The following DOCK10 variants were observed in gnomAD, a reference collection of about 807,000 sequenced individuals.
DOCK10 encodes dedicator of cytokinesis 10.
In DOCK10, 145 loss-of-function variants were observed where a neutral mutation model predicts 280.1. That is an observed-to-expected ratio of 0.52 (90% CI 0.45 to 0.59). The LOEUF is 0.59. Among genes scored for constraint, DOCK10 ranks in the 20% least tolerant of loss-of-function variants. The pLI, the probability that DOCK10 is intolerant of heterozygous loss-of-function variation, is 0.00. For synonymous variants in DOCK10, 915 were observed against 942.2 expected (o/e 0.97, Z 0.53); for missense variants, 2,368 against 2,651.7 (o/e 0.89, Z 2.35).
At chr2:224,914,225 C>T (rs1232832937) in intron 3 of DOCK10, among the ~76,000 whole-genome samples, 1 of 152,152 alleles carries the variant, frequency 6.6e-6, no homozygotes, top group African/African-American at 2.4e-5. Context: ...ATACTATGCA[C>T]TTAAATTTGT....
chr2:224,918,039 T>G (rs915497472), intron 2 of DOCK10, among the ~76,000 whole-genome samples: 39 of 152,088 alleles, frequency 2.6e-4, no homozygotes, highest in African/African-American at 8.9e-4. Context: ...AGAAGATGGG[T>G]AGGGAGGGGT....
At chr2:225,002,815 G>A (rs556725893) in intron 1 of DOCK10, among the ~76,000 whole-genome samples, 5 of 148,600 alleles carry the variant, frequency 3.4e-5, no homozygotes, top group South Asian at 2.2e-4. Context: ...TTGCATGATC[G>A]GGCAGGTGTA....
At chr2:225,017,559 C>T (rs1689646693) in intron 1 of DOCK10, among the ~76,000 whole-genome samples, 1 of 151,914 alleles carries the variant, frequency 6.6e-6, no homozygotes, top group Non-Finnish European at 1.5e-5. Context: ...GATAATTTTT[C>T]AACATACATC....
At chr2:224,923,839 C>A (rs1039492218) in intron 2 of DOCK10, among the ~76,000 whole-genome samples, 2 of 152,228 alleles carry the variant, frequency 1.3e-5, no homozygotes, top group African/African-American at 4.8e-5. Flanking sequence ...ACACATTTTT[C>A]TTCCCTGAAT....
intron 1 of DOCK10, among the ~76,000 whole-genome samples, chr2:224,994,631 A>C (rs1026609006): frequency 6.6e-6 from 1 of 152,186 alleles, no homozygotes; most frequent in African/African-American, 2.4e-5. Context: ...ATATGTTGGG[A>C]GCTCCTTGGA....
intron 2 of DOCK10, among the ~76,000 whole-genome samples, chr2:224,927,341 G>T (rs2126002775): frequency 6.6e-6 from 1 of 152,336 alleles, no homozygotes; most frequent in South Asian, 2.1e-4. Context: ...GGAAGCCACT[G>T]AGAAGTTTTA....
intron 3 of DOCK10, among the ~76,000 whole-genome samples, chr2:224,902,937 C>CA (rs903859483): frequency 0.017 from 2,490 of 144,866 alleles, 53 homozygotes; most frequent in African/African-American, 0.052. Flanking sequence ...ACTAAAAATA[C>CA]AAAAAAAAAA....
chr2:224,917,089 T>G (rs890420919), intron 2 of DOCK10, among the ~76,000 whole-genome samples: 2 of 141,120 alleles, frequency 1.4e-5, no homozygotes, highest in African/African-American at 5.1e-5. Context: ...TTTAGCTGAT[T>G]TCTATTGGAA....
At chr2:225,024,758 G>T (rs1224251301) in intron 1 of DOCK10, among the ~76,000 whole-genome samples, 1 of 151,970 alleles carries the variant, frequency 6.6e-6, no homozygotes, top group South Asian at 2.1e-4. Flanking sequence ...GGGCATAGTG[G>T]CACATGCCTG....
intron 1 of DOCK10, among the ~76,000 whole-genome samples, chr2:225,015,029 G>A (rs1689552651): frequency 6.6e-6 from 1 of 152,148 alleles, no homozygotes; most frequent in South Asian, 2.1e-4. Flanking sequence ...TCATCTGCCT[G>A]TTCTCATCTG....
Position 224,837,840 on chromosome 2 carries a change from G to C in DOCK10, c.2781-9C>G, listed in dbSNP as rs765556312. ...CAATGTCGGTCAGAACCCTGCAAAA[G>C]CAAAGCTGTTCAGTGGCCTTTCTGG... On this transcript the variant is annotated splice_polypyrimidine_tract_variant and intron_variant, in intron 24 of 55. Transcript: ENST00000258390. 1.2e-6 allele frequency: 2 copies of C among 1,613,292 alleles called. No homozygotes were observed. The highest frequency in any genetic ancestry group is 1.3e-5 in the African/African-American group (1 of 75,036).
intron 3 of DOCK10, among the ~76,000 whole-genome samples, chr2:224,898,424 G>GAC (rs1700105688): frequency 6.6e-6 from 1 of 152,206 alleles, no homozygotes; most frequent in Admixed American, 6.5e-5. Flanking sequence ...TGGCAAGACA[G>GAC]ACGAATGTAG....
intron 8 of DOCK10, among the ~76,000 whole-genome samples, 154 bp downstream of exon 8, chr2:224,875,884 A>G (rs1698597204): frequency 6.6e-6 from 1 of 152,182 alleles, no homozygotes; most frequent in South Asian, 2.1e-4. Flanking sequence ...ACTGTGCAGT[A>G]AAGATTTAGG....
intron 13 of DOCK10, among the ~76,000 whole-genome samples, chr2:224,863,599 C>G (rs978730304): frequency 6.6e-6 from 1 of 152,030 alleles, no homozygotes; most frequent in Non-Finnish European, 1.5e-5. Flanking sequence ...ACTACAGGCG[C>G]CCGCCACCAC....
At chr2:224,818,393 C>A (rs1051383033) in intron 29 of DOCK10, among the ~76,000 whole-genome samples, 4 of 145,488 alleles carry the variant, frequency 2.7e-5, no homozygotes, top group African/African-American at 1.1e-4. Flanking sequence ...AGGCCTGGCC[C>A]CTGCCTTTTT....
In DOCK10 at chr2:224,793,000, GA is replaced by G; in HGVS notation, c.5284del (p.Ser1762HisfsTer3). ...TCCTCCACTGGGAGTTGTTAGTAAT[GA>G]GTTGCTATCACAGGGGTGGGTATCC... Reference protein sequence around the residue: ...SEDTHPCDSNSLLTTPSGGSM... With the variant: ...SEDTHPCDSNXLLTTPSGGSM... On this transcript the variant is annotated frameshift_variant, in exon 47 of 56. Transcript: ENST00000258390. LOFTEE classifies it high-confidence loss of function. The G allele has an allele frequency of 6.2e-7, 1 of 1,613,726 alleles. No homozygotes were observed. The highest frequency in any genetic ancestry group is 8.5e-7 in the Non-Finnish European group (1 of 1,179,692).
chr2:225,033,268 C>T (rs1019495896), intron 1 of DOCK10, among the ~76,000 whole-genome samples: 2 of 152,044 alleles, frequency 1.3e-5, no homozygotes, highest in Non-Finnish European at 2.9e-5. Flanking sequence ...CTGCGACCTC[C>T]GCCTCCCAGG....
In DOCK10 at chr2:224,856,929, G is replaced by C; in HGVS notation, c.1739C>G (p.Pro580Arg). The C allele has an allele frequency of 1.2e-6, 2 of 1,612,076 alleles. No homozygotes were observed. Among genetic ancestry groups the C allele is most frequent in the Non-Finnish European group, 1.7e-6 (2 of 1,178,608 alleles). The change falls in exon 15 of 56, where the codon CCA becomes CGA. Residue 580 changes from proline (P) to arginine (R), a missense_variant. Pro to Arg is a moderately radical substitution (Grantham distance 103). Around this residue, in one of 2 missense-constraint regions of DOCK10, gnomAD observed 1,209 missense variants for 1,250.9 expected, o/e 0.97. Transcript: ENST00000258390. ...CTTGCTACTTTCTTGTCTAAACAAT[G>C]GTGAAAATCTTGAGTCTCTGTCCAC... ...GNVDRDSRFSPLFRQESSKIS... is the reference protein window; with the variant it reads ...GNVDRDSRFSRLFRQESSKIS...
chr2:224,873,989 A>G lies in DOCK10; in HGVS notation c.1257+7T>C. 6.2e-7 allele frequency: 1 copy of G among 1,608,788 alleles called. No homozygotes were observed. Among genetic ancestry groups the G allele is most frequent in the Non-Finnish European group, 8.5e-7 (1 of 1,178,440 alleles). ...ATGGTATAGGATGTAACAGAGGAGA[A>G]ACTTACATTCGTTATCGGATCATTT... On this transcript the variant is annotated splice_region_variant and intron_variant, in intron 11 of 55. Transcript: ENST00000258390.
Sources: gnomAD v4.1 joint callset for allele counts (sites outside exome capture counted in the v4.1 genomes callset) on GRCh38, gnomAD v4.1.1 for gene constraint, gnomAD v4.1.1 regional missense constraint, MANE v1.5 for transcripts, NCBI Gene and HGNC (gene_info 2026-07-23, HGNC 2026-07-21) for gene names.